The following SPATA13 variants were observed in gnomAD, a reference collection of about 807,000 sequenced individuals.
SPATA13 encodes the protein spermatogenesis associated 13, also known as spermatogenesis-associated protein 13.
Under a neutral mutation model 104.0 loss-of-function variants are expected in SPATA13, and 50 were observed. The ratio of observed to expected loss-of-function variants is 0.48; its 90% CI spans 0.38 to 0.61. The LOEUF (loss-of-function observed/expected upper bound fraction) is 0.61, where lower values mean the gene tolerates loss of function less well. SPATA13 is among the 20% of genes least tolerant of loss of function. The pLI, the probability that SPATA13 is intolerant of heterozygous loss-of-function variation, is 0.00. For synonymous variants in SPATA13, 606 were observed against 667.5 expected, an observed-to-expected ratio of 0.91 and a Z score of 1.42; for missense variants, 1,524 against 1,690.6, an observed-to-expected ratio of 0.90 and a Z score of 1.73.
intron 3 of SPATA13, among the ~76,000 whole-genome samples, chr13:24,133,769 G>T (rs1881462901): frequency 6.6e-6 from 1 of 152,122 alleles, no homozygotes; most frequent in African/African-American, 2.4e-5. Context: ...AATAGTGCCG[G>T]GGCCACAAAA....
chr13:24,055,482 T>C (rs1237171596), intron 3 of SPATA13, among the ~76,000 whole-genome samples: 1 of 152,180 alleles, frequency 6.6e-6, no homozygotes, highest in Non-Finnish European at 1.5e-5. Context: ...GTAAATGAGT[T>C]AAAACATGCA....
chr13:24,252,054 G>A (rs2138664990), intron 4 of SPATA13, among the ~76,000 whole-genome samples, 192 bp downstream of exon 4: 1 of 152,310 alleles, frequency 6.6e-6, no homozygotes. Flanking sequence ...CTGTGTGCCA[G>A]GCTGGTGGCT....
intron 1 of SPATA13, among the ~76,000 whole-genome samples, chr13:24,179,441 A>T (rs1868653427): frequency 6.6e-6 from 1 of 152,208 alleles, no homozygotes; most frequent in Admixed American, 6.5e-5. Context: ...TGCTATTTAA[A>T]AATTTAAAAA....
chr13:24,197,565 G>A (rs753840465), intron 1 of SPATA13, among the ~76,000 whole-genome samples: 1 of 152,126 alleles, frequency 6.6e-6, no homozygotes, highest in Non-Finnish European at 1.5e-5. Flanking sequence ...TACCTTTTCT[G>A]AAAGATAGAA....
Position 24,160,840 on chromosome 13 carries a change from C to G in SPATA13, c.-204C>G. ...CAGGCTCCTCCGAGAGTGCGGCGACCTCGGGGCTCCGCCGGCACCGGAGGT... is the reference window on the plus strand; with the variant it reads ...CAGGCTCCTCCGAGAGTGCGGCGACGTCGGGGCTCCGCCGGCACCGGAGGT... On this transcript the variant is annotated 5_prime_UTR_variant, in exon 1 of 13. Transcript: ENST00000382108. 1.0e-6 allele frequency: 1 copy of G among 985,352 alleles called. No individual in the cohort carries two copies. The highest frequency in any genetic ancestry group is 1.2e-6 in the Non-Finnish European group (1 of 829,890). 61.0% of individuals were successfully genotyped at this position (985,352 alleles called of 1,614,324 possible).
At chr13:24,095,604 T>G (rs1325885616) in intron 3 of SPATA13, among the ~76,000 whole-genome samples, 3 of 152,170 alleles carry the variant, frequency 2.0e-5, no homozygotes, top group East Asian at 1.9e-4. Context: ...AAATAAATAT[T>G]TTTAAAAAGA....
At chr13:24,185,827 A>AGG (rs1247244551) in intron 1 of SPATA13, among the ~76,000 whole-genome samples, 1 of 151,456 alleles carries the variant, frequency 6.6e-6, no homozygotes, top group Non-Finnish European at 1.5e-5. Flanking sequence ...ACAGAGAGAG[A>AGG]GAGAGAGATT....
intron 2 of SPATA13, among the ~76,000 whole-genome samples, chr13:24,248,290 G>A (rs1278288659): frequency 1.3e-5 from 2 of 152,168 alleles, no homozygotes; most frequent in East Asian, 1.9e-4. Flanking sequence ...CCATTGTTGC[G>A]TCTCATCCTT....
chr13:24,156,591 T>C (rs1882262631), upstream of SPATA13, among the ~76,000 whole-genome samples: 1 of 152,200 alleles, frequency 6.6e-6, no homozygotes, highest in Admixed American at 6.5e-5. Context: ...CATTATTCTG[T>C]CATCCTAGGA....
At position 24,302,644 on chromosome 13, in the gene SPATA13, C is replaced by T. The variant is rs753114088; in HGVS notation, c.3705C>T (p.Pro1235=). The T allele has an allele frequency of 1.2e-5, 19 of 1,613,882 alleles. No homozygotes were observed. The highest frequency in any genetic ancestry group is 1.7e-4 in the Middle Eastern group (1 of 6,058). Reference sequence around the variant, plus strand: ...CCCCACCGCACCAGGGCCTGCACCCCATCCACCAGCGCCACATCACTATGC... The same window carrying T: ...CCCCACCGCACCAGGGCCTGCACCCTATCCACCAGCGCCACATCACTATGC... The part of the protein sequence containing the change: ...PVAPPHQGLH[P]IHQRHITMPT... The change falls in exon 13 of 13, where the codon CCC becomes CCT. Residue 1235 remains proline, a synonymous_variant. Coordinates refer to ENST00000382108, the MANE Select transcript of SPATA13 (RefSeq NM_001166271.3).
At chr13:24,136,828 T>TTATGAGAG (rs1566117257) in intron 3 of SPATA13, among the ~76,000 whole-genome samples, 1 of 107,996 alleles carries the variant, frequency 9.3e-6, no homozygotes, top group Admixed American at 1.0e-4. Flanking sequence ...TTCTTTATTT[T>TTATGAGAG]ATTTATTTAT....
chr13:24,165,594 A>G (rs1882697013), intron 1 of SPATA13, among the ~76,000 whole-genome samples: 2 of 151,098 alleles, frequency 1.3e-5, no homozygotes, highest in South Asian at 4.2e-4. Flanking sequence ...ACCCACCCCA[A>G]CTCCAACTTT....
At chr13:24,145,307 A>G (rs747382697) in intron 3 of SPATA13, among the ~76,000 whole-genome samples, 65 of 152,246 alleles carry the variant, frequency 4.3e-4, no homozygotes, top group Admixed American at 2.0e-4. Context: ...GAAGGTATTA[A>G]TTAGGGCTGT....
At position 24,098,408 on chromosome 13, in the gene SPATA13, C is replaced by T. The variant is rs184893136; in HGVS notation, c.-112+80707C>T. On this transcript the variant is annotated intron_variant, in intron 3 of 14. Transcript: ENST00000424834. ...ATTAAAAAAATAATTAAGACTTAAA[C>T]GTGGCAAAACCCTGTCTCCACAAAA... Among the ~76,000 whole-genome samples the T allele has an allele frequency of 2.4e-4, 37 of 151,768 alleles. 1 individual carries two copies. Among genetic ancestry groups the T allele is most frequent in the East Asian group, 7.8e-4 (4 of 5,118 alleles).
chr13:24,107,237 CAAAAAAAAAAAAAAAA>C (rs11421515), intron 3 of SPATA13, among the ~76,000 whole-genome samples: 1 of 34,266 alleles, frequency 2.9e-5, no homozygotes, highest in African/African-American at 1.3e-4. Context: ...GAACAAGAGG[CAAAAAAAAAAAAAAAA>C]AAAAAAAAAA....
At chr13:24,263,502 C>T (rs1347074301) in intron 4 of SPATA13, among the ~76,000 whole-genome samples, 11 of 152,176 alleles carry the variant, frequency 7.2e-5, no homozygotes, top group Admixed American at 7.2e-4. Context: ...AGGCATCAGA[C>T]TCCAAGGCTG....
chr13:24,248,461 G>A (rs1053651324), intron 2 of SPATA13, among the ~76,000 whole-genome samples: 3 of 152,228 alleles, frequency 2.0e-5, no homozygotes, highest in Admixed American at 1.3e-4. Context: ...TGTTGCCTCT[G>A]AAAAATTATC....
chr13:24,079,663 CTTTA>C (rs1357994578), intron 3 of SPATA13, among the ~76,000 whole-genome samples: 1 of 151,968 alleles, frequency 6.6e-6, no homozygotes, highest in Non-Finnish European at 1.5e-5. Flanking sequence ...CTGGGCTCTA[CTTTA>C]TTTTCTTTCT....
At chr13:24,240,733 T>A (rs1255100570) in intron 2 of SPATA13, among the ~76,000 whole-genome samples, 1 of 152,192 alleles carries the variant, frequency 6.6e-6, no homozygotes, top group Non-Finnish European at 1.5e-5. Flanking sequence ...ATATTTGCAT[T>A]TTTAAATGAA....
Sources: allele counts gnomAD v4.1 joint callset (sites outside exome capture counted in the v4.1 genomes callset), GRCh38; gene constraint gnomAD v4.1.1; transcripts MANE v1.5; gene names NCBI Gene and HGNC (gene_info 2026-07-23, HGNC 2026-07-21).